Variants in ERBB4 observed in about 807,000 individuals in gnomAD.
ERBB4 encodes the protein erb-b2 receptor tyrosine kinase 4, also known as receptor tyrosine-protein kinase erbB-4.
Under a neutral mutation model 158.0 loss-of-function variants are expected in ERBB4, and 42 were observed. That is an observed-to-expected ratio of 0.27 (90% CI 0.21 to 0.34). The LOEUF (loss-of-function observed/expected upper bound fraction) is 0.34. Among genes scored for constraint, ERBB4 ranks in the 10% least tolerant of loss-of-function variants. ERBB4 has a pLI of 1.00. For missense variants in ERBB4, 1,333 were observed against 1,624.1 expected (o/e 0.82, Z 3.08); for synonymous variants, 583 against 558.7 (o/e 1.04, Z -0.61).
chr2:212,295,470 C>A (rs921841815), intron 1 of ERBB4, among the ~76,000 whole-genome samples: 1 of 152,002 alleles, frequency 6.6e-6, no homozygotes, highest in South Asian at 2.1e-4. Context: ...CTCTCTGTTT[C>A]AAATGAAAAG....
chr2:212,397,658 G>T (rs546193303), intron 1 of ERBB4, among the ~76,000 whole-genome samples: 124 of 152,062 alleles, frequency 8.2e-4, no homozygotes, highest in African/African-American at 2.8e-3. Context: ...CCAAGCTTAT[G>T]GTCAAAGATT....
chr2:212,086,424 G>A (rs377017479), intron 2 of ERBB4, among the ~76,000 whole-genome samples: 2 of 150,516 alleles, frequency 1.3e-5, no homozygotes, highest in South Asian at 2.1e-4. Flanking sequence ...TCGCACTAAG[G>A]CCTTATGCAT....
At chr2:211,494,018 G>A (rs2125577302) in intron 20 of ERBB4, among the ~76,000 whole-genome samples, 1 of 152,190 alleles carries the variant, frequency 6.6e-6, no homozygotes, top group Middle Eastern at 3.4e-3. Flanking sequence ...GGGCTACCCA[G>A]CCTTATTTCC....
intron 1 of ERBB4, among the ~76,000 whole-genome samples, chr2:212,466,912 T>C (rs1688865591): frequency 1.3e-5 from 2 of 152,130 alleles, no homozygotes; most frequent in Admixed American, 6.5e-5. Flanking sequence ...AACAATAAAG[T>C]TCAGGCTGAG....
At chr2:211,945,972 G>C (rs1332604047) in intron 3 of ERBB4, among the ~76,000 whole-genome samples, 2 of 151,924 alleles carry the variant, frequency 1.3e-5, no homozygotes, top group Non-Finnish European at 2.9e-5. Flanking sequence ...TCATATTACA[G>C]TATTTTTAGA....
In ERBB4 at chr2:211,414,550, A is replaced by G. The variant is rs565671529; in HGVS notation, c.3135+5891T>C. On this transcript the variant is annotated intron_variant, in intron 25 of 27. Coordinates refer to ENST00000342788, the MANE Select transcript of ERBB4 (RefSeq NM_005235.3). The stretch of plus-strand genomic sequence containing the variant: ...AAAAGAAAAGAAGAAAAGAAAGAAA[A>G]TACAATTTTAATGCATGAGATATAA... Among the ~76,000 whole-genome samples, 6 of 151,676 alleles carry G rather than the reference A, an allele frequency of 4.0e-5. 1 individual carries two copies. The South Asian group carries it at 8.3e-4, about 21-fold the overall frequency.
rs1019544900 is a variant in ERBB4, at chr2:211,392,506, C to T, written c.3136-4514G>A. ...TATATTTATTTATTTAGTCATTTTT[C>T]TATTTGGTTTGATTCTGTGGGACTC... On this transcript the variant is annotated intron_variant, in intron 25 of 27. Coordinates refer to ENST00000342788, the MANE Select transcript of ERBB4 (RefSeq NM_005235.3). Among the ~76,000 whole-genome samples, 193 of 149,486 alleles carry T rather than the reference C, an allele frequency of 1.3e-3. 3 individuals are homozygous for T. The highest frequency in any genetic ancestry group is 9.3e-4 in the Non-Finnish European group (63 of 67,452).
intron 1 of ERBB4, among the ~76,000 whole-genome samples, chr2:212,503,735 C>A (rs375557716): frequency 6.6e-6 from 1 of 152,146 alleles, no homozygotes; most frequent in Non-Finnish European, 1.5e-5. Context: ...GTAGAAAACA[C>A]AAAGCATTAC....
At chr2:212,244,064 G>C (rs148675703) in intron 1 of ERBB4, among the ~76,000 whole-genome samples, 148 of 152,032 alleles carry the variant, frequency 9.7e-4, no homozygotes, top group African/African-American at 3.2e-3. Flanking sequence ...TTCTAGGGGA[G>C]GTCCTAGCAG....
At chr2:211,760,633 G>C (rs1258278698) in intron 4 of ERBB4, among the ~76,000 whole-genome samples, 1 of 152,160 alleles carries the variant, frequency 6.6e-6, no homozygotes, top group East Asian at 1.9e-4. Context: ...AATCTCACCT[G>C]TTACTGGTTG....
intron 1 of ERBB4, among the ~76,000 whole-genome samples, chr2:212,538,107 G>A (rs1386639249): frequency 6.6e-6 from 1 of 152,200 alleles, no homozygotes; most frequent in Non-Finnish European, 1.5e-5. Context: ...GGACAGAAGA[G>A]TCTCCTCTGA....
intron 20 of ERBB4, among the ~76,000 whole-genome samples, chr2:211,555,925 T>C (rs2067224602): frequency 6.6e-6 from 1 of 152,192 alleles, no homozygotes; most frequent in Non-Finnish European, 1.5e-5. Flanking sequence ...GTCTGCATGA[T>C]AACCAGCTAA....
At position 211,920,135 on chromosome 2, in the gene ERBB4, T is replaced by C. The variant is rs191259163; in HGVS notation, c.421+27295A>G. Among the ~76,000 whole-genome samples the C allele has an allele frequency of 1.3e-3, 193 of 152,110 alleles. 1 individual carries two copies. Among genetic ancestry groups the C allele is most frequent in the Middle Eastern group, 3.4e-3 (1 of 294 alleles). Reference sequence around the variant, plus strand: ...AATGCAACTGACATAAGCACTGTCATGAAAAATGTCATTTGATTTAGGGTC... The same window carrying C: ...AATGCAACTGACATAAGCACTGTCACGAAAAATGTCATTTGATTTAGGGTC... On this transcript the variant is annotated intron_variant, in intron 3 of 27. Transcript: ENST00000342788.
chr2:211,717,912 T>C (rs1051878987), intron 7 of ERBB4, among the ~76,000 whole-genome samples: 4 of 152,094 alleles, frequency 2.6e-5, no homozygotes, highest in African/African-American at 7.2e-5. Flanking sequence ...GGAGGGAAGA[T>C]ATATATATTT....
At chr2:211,604,678 ATTGT>A (rs1260025426) in intron 19 of ERBB4, among the ~76,000 whole-genome samples, 1 of 152,170 alleles carries the variant, frequency 6.6e-6, no homozygotes, top group East Asian at 1.9e-4. Context: ...TTTTCAACAG[ATTGT>A]TTGGTTGACT....
intron 1 of ERBB4, among the ~76,000 whole-genome samples, chr2:212,153,722 A>G (rs1162259281): frequency 6.6e-6 from 1 of 152,142 alleles, no homozygotes; most frequent in Non-Finnish European, 1.5e-5. Context: ...TGCTACAACC[A>G]TGTGACACAG....
intron 3 of ERBB4, among the ~76,000 whole-genome samples, chr2:211,946,605 T>TTTTTTTTTG (rs2080703777): frequency 7.7e-6 from 1 of 129,074 alleles, no homozygotes; most frequent in African/African-American, 3.0e-5. Flanking sequence ...TTTTTTTTTT[T>TTTTTTTTTG]GAGATGGAGT....
intron 1 of ERBB4, among the ~76,000 whole-genome samples, chr2:212,485,158 C>T (rs559165548): frequency 3.3e-5 from 5 of 152,318 alleles, no homozygotes; most frequent in African/African-American, 1.2e-4. Flanking sequence ...AGCAGCAAGA[C>T]TCTGATTCCA....
At chr2:212,101,905 TG>T (rs1173151983) in intron 2 of ERBB4, among the ~76,000 whole-genome samples, 4 of 151,352 alleles carry the variant, frequency 2.6e-5, no homozygotes, top group Non-Finnish European at 5.9e-5. Context: ...ACGTTTTGCT[TG>T]GGGGGGTACA....
Sources: gnomAD v4.1 joint callset for allele counts (sites outside exome capture counted in the v4.1 genomes callset) on GRCh38, gnomAD v4.1.1 for gene constraint, MANE v1.5 for transcripts, NCBI Gene and HGNC (gene_info 2026-07-23, HGNC 2026-07-21) for gene names.